Variants in PDE1C observed in about 807,000 individuals in gnomAD.
PDE1C encodes dual specificity calcium/calmodulin-dependent 3',5'-cyclic nucleotide phosphodiesterase 1C.
In PDE1C, 62 loss-of-function variants were observed where a neutral mutation model predicts 93.1. The observed-to-expected ratio is 0.67, with a 90% CI of 0.54 to 0.82. The LOEUF (loss-of-function observed/expected upper bound fraction) is 0.82, where lower values mean the gene tolerates loss of function less well. Among genes scored for constraint, PDE1C ranks in the 40% least tolerant of loss-of-function variants. PDE1C has a pLI of 0.00. For missense variants in PDE1C, 742 were observed against 884.6 expected, an observed-to-expected ratio of 0.84 and a Z score of 2.04; for synonymous variants, 325 against 310.1, an observed-to-expected ratio of 1.05 and a Z score of -0.50.
Position 31,828,281 on chromosome 7 carries a change from C to CA in PDE1C, c.1285+10dup. The CA allele has an allele frequency of 6.2e-7, 1 of 1,609,006 alleles. No homozygotes were observed. Among genetic ancestry groups the CA allele is most frequent in the South Asian group, 1.1e-5 (1 of 90,858 alleles). ...TTTGGTGCTTCTATCCAAAGAGCTG[C>CA]AAACACGTACCTACTTGTGACTGAG... is the stretch of plus-strand genomic sequence containing the variant. On this transcript the variant is annotated intron_variant, in intron 12 of 17. Transcript: ENST00000396191.
intron 1 of PDE1C, among the ~76,000 whole-genome samples, chr7:32,229,707 C>A (rs971706459): frequency 6.6e-6 from 1 of 152,120 alleles, no homozygotes; most frequent in Non-Finnish European, 1.5e-5. Context: ...AATACAGGCC[C>A]AAAGAGGGAA....
chr7:31,904,538 G>A (rs951221068), intron 2 of PDE1C, among the ~76,000 whole-genome samples: 6 of 151,640 alleles, frequency 4.0e-5, no homozygotes, highest in African/African-American at 1.5e-4. Flanking sequence ...CAAGTTTTAT[G>A]TATAAGTATT....
intron 2 of PDE1C, among the ~76,000 whole-genome samples, chr7:31,903,014 T>C (rs180819881): frequency 6.6e-6 from 1 of 151,930 alleles, no homozygotes; most frequent in Non-Finnish European, 1.5e-5. Flanking sequence ...GAATATTTTA[T>C]AACTGCATAT....
chr7:31,844,363 T>C (rs1470749497), intron 9 of PDE1C, among the ~76,000 whole-genome samples: 1 of 151,794 alleles, frequency 6.6e-6, no homozygotes, highest in Non-Finnish European at 1.5e-5. Flanking sequence ...ATTCCTGTTG[T>C]TTTCTATTAT....
intron 2 of PDE1C, among the ~76,000 whole-genome samples, chr7:31,939,423 G>T (rs1362065391): frequency 6.6e-6 from 1 of 152,132 alleles, no homozygotes; most frequent in Non-Finnish European, 1.5e-5. Context: ...CCCTGCCTTT[G>T]TTTTTAATAT....
the PDE1C span, among the ~76,000 whole-genome samples, chr7:31,730,021 A>C: frequency 6.6e-6 from 1 of 152,084 alleles, no homozygotes; most frequent in Non-Finnish European, 1.5e-5. Flanking sequence ...CTCTCTTAGC[A>C]TCCATGTCTC....
chr7:31,737,932 G>T, the PDE1C span, among the ~76,000 whole-genome samples: 1 of 152,002 alleles, frequency 6.6e-6, no homozygotes, highest in African/African-American at 2.4e-5. Flanking sequence ...CTGTTATATA[G>T]GTTAAATAAC....
chr7:32,247,358 T>C (rs1809041891), intron 1 of PDE1C, among the ~76,000 whole-genome samples: 1 of 148,468 alleles, frequency 6.7e-6, no homozygotes, highest in Non-Finnish European at 1.5e-5. Context: ...AGCATTGCTG[T>C]GTCCTCAATG....
intron 3 of PDE1C, among the ~76,000 whole-genome samples, chr7:32,125,734 G>A (rs1429661493): frequency 6.6e-6 from 1 of 151,924 alleles, no homozygotes; most frequent in African/African-American, 2.4e-5. Context: ...GGGGGGCGAG[G>A]GGAGGGAACT....
the PDE1C span, among the ~76,000 whole-genome samples, chr7:31,679,763 C>T: frequency 6.6e-6 from 1 of 152,160 alleles, no homozygotes; most frequent in African/African-American, 2.4e-5. Flanking sequence ...TCAATTCCCT[C>T]GCCAATTTCC....
the PDE1C span, among the ~76,000 whole-genome samples, chr7:31,645,586 C>T: frequency 1.2e-4 from 18 of 152,100 alleles, no homozygotes; most frequent in Non-Finnish European, 2.4e-4. Flanking sequence ...TCGTCATCAC[C>T]ATAACCATCA....
At chr7:32,101,758 G>A (rs188334030) in intron 3 of PDE1C, among the ~76,000 whole-genome samples, 2 of 152,270 alleles carry the variant, frequency 1.3e-5, no homozygotes, top group Non-Finnish European at 2.9e-5. Flanking sequence ...TTCCTTTATA[G>A]TGACACAAAC....
intron 1 of PDE1C, among the ~76,000 whole-genome samples, chr7:32,264,389 T>G (rs1313028783): frequency 6.6e-6 from 1 of 152,204 alleles, no homozygotes; most frequent in Non-Finnish European, 1.5e-5. Flanking sequence ...TTATTGCCTT[T>G]TATAGATTGA....
chr7:31,944,117 C>G (rs1380921016), intron 2 of PDE1C, among the ~76,000 whole-genome samples: 1 of 152,110 alleles, frequency 6.6e-6, no homozygotes, highest in Non-Finnish European at 1.5e-5. Context: ...TCCTTTTCAC[C>G]TTGTCATTAA....
chr7:31,932,452 A>G (rs113068034), intron 2 of PDE1C, among the ~76,000 whole-genome samples: 1 of 152,152 alleles, frequency 6.6e-6, no homozygotes, highest in Admixed American at 6.5e-5. Flanking sequence ...ATGTGGCCAA[A>G]AAACATGAAA....
At chr7:31,808,276 A>G (rs1787105304) in intron 16 of PDE1C, 1 of 385,206 alleles carries the variant, frequency 2.6e-6, no homozygotes, top group Non-Finnish European at 4.9e-6. Context: ...CTCAAAAACC[A>G]CTCCGTGGAA....
the PDE1C span, chr7:31,642,880 G>A: frequency 1.0e-4 from 161 of 1,613,936 alleles, no homozygotes; most frequent in Non-Finnish European, 1.3e-4. Context: ...TGTGATGGAG[G>A]AAGAGTTTCT....
At chr7:32,049,806 A>G (rs889080242) in intron 2 of PDE1C, among the ~76,000 whole-genome samples, 1 of 152,164 alleles carries the variant, frequency 6.6e-6, no homozygotes, top group Non-Finnish European at 1.5e-5. Flanking sequence ...TGGTCAGCAA[A>G]AGGTCTAAGT....
chr7:32,164,471 TG>T (rs1802103453), intron 3 of PDE1C, among the ~76,000 whole-genome samples: 1 of 152,196 alleles, frequency 6.6e-6, no homozygotes, highest in Non-Finnish European at 1.5e-5. Flanking sequence ...CAAGGTTATG[TG>T]GTGCTAGTAG....
Sources: allele counts gnomAD v4.1 joint callset (sites outside exome capture counted in the v4.1 genomes callset), GRCh38; gene constraint gnomAD v4.1.1; transcripts MANE v1.5; gene names NCBI Gene and HGNC (gene_info 2026-07-23, HGNC 2026-07-21).